CHMP1A: variants seen among roughly 807,000 people sequenced by gnomAD.
CHMP1A encodes the protein VPS46 homolog A.
CHMP1A carries 17 observed loss-of-function variants against 27.0 expected under a neutral mutation model. That is an observed-to-expected ratio of 0.63 (90% CI 0.43 to 0.95). The LOEUF (loss-of-function observed/expected upper bound fraction) is 0.95, where lower values mean the gene tolerates loss of function less well. CHMP1A is among the 40% of genes least tolerant of loss of function. The pLI is 0.00. For missense variants in CHMP1A, 275 were observed against 264.0 expected (o/e 1.04, Z -0.29); for synonymous variants, 131 against 107.5 (o/e 1.22, Z -1.35).
In CHMP1A at chr16:89,646,580, G is replaced by A. The variant is rs1172323559; in HGVS notation, c.516C>T (p.Ala172=). Residue 172 remains alanine (A), a synonymous_variant, in exon 6 of 7, where the codon GCC becomes GCT. Transcript: ENST00000397901. ...LDQLSQLPEG[A]SAVGESSVRS... Reference sequence around the variant, plus strand: ...GCACAGAGCTCTCGCCCACGGCAGAGGCGCCCTCGGGCAGCTGGCTGAGCT... The same window carrying A: ...GCACAGAGCTCTCGCCCACGGCAGAAGCGCCCTCGGGCAGCTGGCTGAGCT... The A allele has an allele frequency of 6.9e-6, 11 of 1,597,488 alleles. No homozygotes were observed. Among genetic ancestry groups the A allele is most frequent in the Non-Finnish European group, 9.4e-6 (11 of 1,173,470 alleles).
At position 89,653,901 on chromosome 16, in the gene CHMP1A, T is replaced by G. The variant is rs1303331585; in HGVS notation, c.27+3A>C. The G allele has an allele frequency of 1.9e-6, 3 of 1,613,578 alleles. No homozygotes were observed. The highest frequency in any genetic ancestry group is 2.5e-6 in the Non-Finnish European group (3 of 1,179,642). ...CTGGGGTGAACGGCCATTCGGTACA[T>G]ACCTTCAACTGGAACAGGGTATCTG... On this transcript the variant is annotated splice_donor_region_variant and intron_variant, in intron 2 of 6. Coordinates refer to ENST00000397901, the MANE Select transcript of CHMP1A (RefSeq NM_002768.5).
chr16:89,647,696 AGCGCGGG>A (rs2059788468), intron 4 of CHMP1A, among the ~76,000 whole-genome samples: 4 of 9,646 alleles, frequency 4.1e-4, no homozygotes, highest in African/African-American at 1.3e-3. Flanking sequence ...GTGGGGACCC[AGCGCGGG>A]GTCGGTGGAG....
chr16:89,651,456 T>C (rs973980395), intron 3 of CHMP1A, 113 bp downstream of exon 3: 6 of 723,448 alleles, frequency 8.3e-6, no homozygotes, highest in Non-Finnish European at 1.4e-5. Flanking sequence ...ATGTAGAAAG[T>C]GCCCTGCCCC....
chr16:89,656,548 A>AC (rs1422173474), intron 1 of CHMP1A, among the ~76,000 whole-genome samples: 1 of 152,234 alleles, frequency 6.6e-6, no homozygotes, highest in East Asian at 1.9e-4. Flanking sequence ...CCCTGAGCAC[A>AC]CAGCCGGCTA....
intron 1 of CHMP1A, 42 bp downstream of exon 1, chr16:89,657,540 G>C: frequency 6.2e-7 from 1 of 1,607,916 alleles, no homozygotes; most frequent in South Asian, 1.1e-5. Flanking sequence ...AAGCGGCCCC[G>C]CCCCGCGCGC....
chr16:89,648,401 TGGGGACCCAGC>T (rs2059796429), intron 4 of CHMP1A, among the ~76,000 whole-genome samples: 1 of 123,808 alleles, frequency 8.1e-6, no homozygotes, highest in Non-Finnish European at 1.8e-5. Flanking sequence ...GCCGCCGACG[TGGGGACCCAGC>T]GCGGGGTCGG....
chr16:89,652,911 A>G (rs1023330733), intron 2 of CHMP1A, among the ~76,000 whole-genome samples: 2 of 151,332 alleles, frequency 1.3e-5, no homozygotes, highest in African/African-American at 4.9e-5. Context: ...CCTCCACCCC[A>G]CGTGGGAGGA....
intron 2 of CHMP1A, among the ~76,000 whole-genome samples, chr16:89,653,015 CTTTTCTT>C (rs2059837253): frequency 8.2e-6 from 1 of 122,106 alleles, no homozygotes; most frequent in Non-Finnish European, 1.6e-5. Flanking sequence ...TTTTTTTTTT[CTTTTCTT>C]TTTTTTTTTT....
At chr16:89,651,442 C>T (rs2059823075) in intron 3 of CHMP1A, 127 bp downstream of exon 3, 1 of 641,974 alleles carries the variant, frequency 1.6e-6, no homozygotes, top group African/African-American at 1.8e-5. Context: ...ACGATTAAAT[C>T]ATGATGTAGA....
At chr16:89,653,969 C>T (rs774149762) in intron 1 of CHMP1A, 46 bp from the exon 2 acceptor site, 5 of 1,600,500 alleles carry the variant, frequency 3.1e-6, no homozygotes, top group South Asian at 1.1e-5. Context: ...GGGAATGGGA[C>T]GTTACACTTC....
intron 1 of CHMP1A, among the ~76,000 whole-genome samples, chr16:89,654,763 A>G (rs2059851636): frequency 6.6e-6 from 1 of 152,122 alleles, no homozygotes; most frequent in Non-Finnish European, 1.5e-5. Context: ...TAACACGGTA[A>G]AAGCCCGTCT....
chr16:89,655,648 C>T (rs1469210578), intron 1 of CHMP1A, among the ~76,000 whole-genome samples: 6 of 149,986 alleles, frequency 4.0e-5, no homozygotes, highest in Non-Finnish European at 4.4e-5. Context: ...TTTTTTGAGA[C>T]GGAGTCTCAC....
intron 2 of CHMP1A, among the ~76,000 whole-genome samples, chr16:89,653,676 G>C (rs1356628588): frequency 6.6e-6 from 1 of 150,674 alleles, no homozygotes; most frequent in Non-Finnish European, 1.5e-5. Context: ...TGGCTTTCAT[G>C]GATGACCCTA....
At chr16:89,646,817 C>T in intron 5 of CHMP1A, 103 bp from the exon 6 acceptor site, 1 of 1,276,172 alleles carries the variant, frequency 7.8e-7, no homozygotes, top group Non-Finnish European at 1.1e-6. Flanking sequence ...CTCACACAGC[C>T]AGCCACCTTC....
chr16:89,652,823 G>A (rs1039640644), intron 2 of CHMP1A, among the ~76,000 whole-genome samples: 1 of 152,154 alleles, frequency 6.6e-6, no homozygotes, highest in Non-Finnish European at 1.5e-5. Flanking sequence ...GCAAGATAAA[G>A]CTGGCCACAG....
At chr16:89,648,557 T>C (rs539361883) in intron 4 of CHMP1A, among the ~76,000 whole-genome samples, 5 of 152,310 alleles carry the variant, frequency 3.3e-5, no homozygotes, top group South Asian at 4.1e-4. Flanking sequence ...AGCCTGGCCA[T>C]GCAGGCTCTG....
chr16:89,651,476 G>T, intron 3 of CHMP1A, 93 bp downstream of exon 3: 1 of 1,097,316 alleles, frequency 9.1e-7, no homozygotes, highest in Non-Finnish European at 1.4e-6. Context: ...CTCCCCAAAA[G>T]GCATCAAAAC....
chr16:89,646,681 G>A lies in CHMP1A; in HGVS notation c.415C>T (p.Leu139=), dbSNP rs546627268. 6.2e-7 allele frequency: 1 copy of A among 1,610,774 alleles called. No homozygotes were observed. Among genetic ancestry groups the A allele is most frequent in the African/African-American group, 1.3e-5 (1 of 75,020 alleles). ...TCCACCTGCTCCTGCGGCGTGGTCA[G>A]GGTGGTGGCCGAGCTCATGGAGTCC... The part of the protein sequence containing the change: ...MEDSMSSATT[L]TTPQEQVDSL... Residue 139 remains leucine, a synonymous_variant, in exon 6 of 7, where the codon CTG becomes TTG. Transcript: ENST00000397901.
At position 89,653,721 on chromosome 16, in the gene CHMP1A, G is replaced by C. The variant is rs142692771; in HGVS notation, c.27+183C>G. Among the ~76,000 whole-genome samples, 7 of 150,762 alleles carry C rather than the reference G, an allele frequency of 4.6e-5. No homozygotes were observed. The East Asian group carries it at 1.2e-3, about 25-fold the overall frequency. On this transcript the variant is annotated intron_variant, in intron 2 of 6. Coordinates refer to ENST00000397901, the MANE Select transcript of CHMP1A (RefSeq NM_002768.5). ...CTCCACTTAGCCTCAGATAAGAAAAGAGCTAATATGTCACCAAGGTGGCTC... is the reference window on the plus strand; with the variant it reads ...CTCCACTTAGCCTCAGATAAGAAAACAGCTAATATGTCACCAAGGTGGCTC...
Sources: gnomAD v4.1 joint callset for allele counts (sites outside exome capture counted in the v4.1 genomes callset) on GRCh38, gnomAD v4.1.1 for gene constraint, MANE v1.5 for transcripts, NCBI Gene and HGNC (gene_info 2026-07-23, HGNC 2026-07-21) for gene names.